Variants in TNFRSF10A observed in about 807,000 individuals in gnomAD.
TNFRSF10A encodes TNF receptor superfamily member 10a, also known as tumor necrosis factor receptor superfamily member 10A.
A neutral mutation model predicts 42.8 loss-of-function variants in TNFRSF10A; 44 were observed. The ratio of observed to expected loss-of-function variants is 1.03; its 90% CI spans 0.81 to 1.32. The LOEUF (loss-of-function observed/expected upper bound fraction) is 1.32, where lower values mean the gene tolerates loss of function less well. Ranked by LOEUF, TNFRSF10A falls within the 40% of genes most tolerant of loss-of-function variation. The pLI is 0.00. For synonymous variants in TNFRSF10A, 259 were observed against 234.2 expected (o/e 1.11, Z -0.97); for missense variants, 680 against 602.0 (o/e 1.13, Z -1.36).
rs538852484 is a variant in TNFRSF10A at position 23,201,841 on chromosome 8, T to C, written c.596A>G (p.Asn199Ser). 6 of 1,614,072 alleles carry C rather than the reference T, an allele frequency of 3.7e-6. No homozygotes were observed. The highest frequency in any genetic ancestry group is 1.7e-5 in the Admixed American group (1 of 60,006). ...QCKPGTFRND[N>S]SAEMCRKCSR... ...GCACTTCCGGCACATCTCAGCAGAA[T>C]TGTCATTCCGGAAAGTTCCTGGTTT... Residue 199 changes from asparagine to serine, a missense_variant, in exon 4 of 10, where the codon AAT becomes AGT. Asn to Ser is a conservative substitution (Grantham distance 46). Coordinates refer to ENST00000221132, the MANE Select transcript of TNFRSF10A (RefSeq NM_003844.4).
chr8:23,224,430 C>T, intron 1 of TNFRSF10A: 2 of 345,894 alleles, frequency 5.8e-6, no homozygotes, highest in Non-Finnish European at 1.1e-5. Flanking sequence ...GAAGTTTACA[C>T]ACTTGAGCTC....
At position 23,197,169 on chromosome 8, in the gene TNFRSF10A, C is replaced by T; in HGVS notation, c.1050G>A (p.Arg350=). Residue 350 remains arginine, a synonymous_variant, in exon 9 of 10, where the codon AGG becomes AGA. Coordinates refer to ENST00000221132, the MANE Select transcript of TNFRSF10A (RefSeq NM_003844.4). ...PAEAEGSQRR[R]LLVPANGADP... Reference sequence around the variant, plus strand: ...CAGCACCATTTGCTGGAACCAGCAGCCTCCTCCTCTGAGACCCTTCAGCTT... The same window carrying T: ...CAGCACCATTTGCTGGAACCAGCAGTCTCCTCCTCTGAGACCCTTCAGCTT... 5 of 1,614,194 alleles carry T rather than the reference C, an allele frequency of 3.1e-6. No homozygotes were observed. Among genetic ancestry groups the T allele is most frequent in the Non-Finnish European group, 4.2e-6 (5 of 1,180,026 alleles).
At chr8:23,202,202 C>T (rs540596730) in intron 3 of TNFRSF10A, among the ~76,000 whole-genome samples, 3 of 152,174 alleles carry the variant, frequency 2.0e-5, no homozygotes, top group Non-Finnish European at 2.9e-5. Flanking sequence ...AAAGGAGGCA[C>T]ATGGTATGTG....
At chr8:23,197,266 T>C (rs3824218) in intron 8 of TNFRSF10A, 62 bp from the exon 9 acceptor site, 1,080,934 of 1,601,796 alleles carry the variant, frequency 0.67, 367,803 homozygotes, top group East Asian at 0.87. Flanking sequence ...TAGTACTGAC[T>C]CTGACCATCA....
Position 23,190,999 on chromosome 8 carries a change from CT to C in TNFRSF10A, c.*694del, listed in dbSNP as rs576602426. 19 of 148,374 alleles carry C rather than the reference CT, an allele frequency of 1.3e-4. No individual in the cohort carries two copies. The highest frequency in any genetic ancestry group is 2.0e-4 in the African/African-American group (8 of 40,434). 9.2% of individuals were successfully genotyped at this position (148,374 alleles called of 1,614,324 possible). A position where few individuals can be genotyped will look rare whatever the true frequency, so the allele number is the denominator to read the frequency against. ...AGGAGATCAGATGGATTTGCTTTTC[CT>C]TTTTTTTTTGTTTTCTTCTATCTTG... On this transcript the variant is annotated 3_prime_UTR_variant, in exon 10 of 10. Transcript: ENST00000221132.
rs1456278460 is a variant in TNFRSF10A, at chr8:23,201,888, G to C, written c.549C>G (p.Thr183=). Residue 183 remains threonine, a synonymous_variant, in exon 4 of 10, where the codon ACC becomes ACG. Coordinates refer to ENST00000221132, the MANE Select transcript of TNFRSF10A (RefSeq NM_003844.4). ...GTTTGCACTGACATGCTGTGTTCCT[G>C]GTCGTGGTGCAGGGACTTCTCTCTT... The part of the protein sequence containing the change: ...DEEERSPCTT[T]RNTACQCKPG... 1 of 1,614,174 alleles carries C rather than the reference G, an allele frequency of 6.2e-7. No individual in the cohort carries two copies. The highest frequency in any genetic ancestry group is 1.7e-5 in the Admixed American group (1 of 60,022).
chr8:23,199,788 C>T (rs1336894115), intron 7 of TNFRSF10A, 98 bp downstream of exon 7: 1 of 1,538,636 alleles, frequency 6.5e-7, no homozygotes, highest in Non-Finnish European at 9.0e-7. Context: ...CTCAGGGCAG[C>T]CATGAGAGCA....
intron 2 of TNFRSF10A, among the ~76,000 whole-genome samples, chr8:23,211,310 A>C (rs1801088860): frequency 6.6e-6 from 1 of 152,208 alleles, no homozygotes; most frequent in Admixed American, 6.5e-5. Context: ...CAATAGCATA[A>C]AAAAGTATTA....
At chr8:23,200,004 T>TGGGGGGGGCG in intron 6 of TNFRSF10A, 87 bp from the exon 7 acceptor site, 1 of 1,173,368 alleles carries the variant, frequency 8.5e-7, no homozygotes, top group Non-Finnish European at 1.3e-6. Flanking sequence ...AGGGGTGGGC[T>TGGGGGGGGCG]GGGGGCTGGG....
intron 8 of TNFRSF10A, among the ~76,000 whole-genome samples, chr8:23,198,212 G>C (rs187511346): frequency 1.3e-5 from 2 of 152,200 alleles, no homozygotes; most frequent in Admixed American, 1.3e-4. Context: ...ACAGTGACTA[G>C]AACAATTCAG....
At chr8:23,200,916 G>C (rs192385493) in intron 4 of TNFRSF10A, among the ~76,000 whole-genome samples, 156 bp from the exon 5 acceptor site, 212 of 152,290 alleles carry the variant, frequency 1.4e-3, no homozygotes, top group Middle Eastern at 0.01. Context: ...ATGCTCCCTT[G>C]TTTAGGCTGG....
At chr8:23,192,215 C>G (rs1380467687) in intron 9 of TNFRSF10A, among the ~76,000 whole-genome samples, 1 of 152,210 alleles carries the variant, frequency 6.6e-6, no homozygotes, top group African/African-American at 2.4e-5. Flanking sequence ...CCCCAAGGCG[C>G]TGACGGGCGT....
chr8:23,205,660 GTGATGTTGATGAACC>G (rs936767243), intron 2 of TNFRSF10A, among the ~76,000 whole-genome samples: 1 of 151,510 alleles, frequency 6.6e-6, no homozygotes, highest in Non-Finnish European at 1.5e-5. Context: ...GTGAAAGACA[GTGATGTTGATGAACC>G]TGTCCTTGTG....
At chr8:23,223,531 G>C (rs1189753932) in intron 1 of TNFRSF10A, among the ~76,000 whole-genome samples, 1 of 152,220 alleles carries the variant, frequency 6.6e-6, no homozygotes, top group African/African-American at 2.4e-5. Flanking sequence ...AGAGTCAAAC[G>C]TGGGTTCCAC....
At chr8:23,199,945 G>T (rs1800883876) in intron 6 of TNFRSF10A, 28 bp from the exon 7 acceptor site, 1 of 1,613,794 alleles carries the variant, frequency 6.2e-7, no homozygotes, top group Admixed American at 1.7e-5. Context: ...TCCCTTAGTG[G>T]CCAGGGAGGG....
chr8:23,216,616 C>A (rs988783634), intron 1 of TNFRSF10A, among the ~76,000 whole-genome samples: 2 of 152,052 alleles, frequency 1.3e-5, no homozygotes, highest in Admixed American at 6.5e-5. Context: ...CTGGCAGGTG[C>A]CTATAGTCCC....
Position 23,193,125 on chromosome 8 carries a change from C to T in TNFRSF10A, c.1088-1112G>A, listed in dbSNP as rs148261144. ...CACTGCAGCACCCTATTAAAGCCTT[C>T]TTGGCAATACTCATCATCTCAGTGA... On this transcript the variant is annotated intron_variant, in intron 9 of 9. Coordinates refer to ENST00000221132, the MANE Select transcript of TNFRSF10A (RefSeq NM_003844.4). 2.0e-3 allele frequency among the ~76,000 whole-genome samples: 301 copies of T among 152,328 alleles called. 1 individual carries two copies. The highest frequency in any genetic ancestry group is 7.0e-3 in the African/African-American group (290 of 41,570).
chr8:23,207,112 A>G, intron 2 of TNFRSF10A: 1 of 573,434 alleles, frequency 1.7e-6, no homozygotes, highest in Non-Finnish European at 3.3e-6. Context: ...AAGCTTGACC[A>G]CTATGCTATC....
At chr8:23,211,888 A>C (rs1258491026) in intron 2 of TNFRSF10A, among the ~76,000 whole-genome samples, 1 of 152,248 alleles carries the variant, frequency 6.6e-6, no homozygotes, top group Non-Finnish European at 1.5e-5. Context: ...CAAGAGTTAA[A>C]GTACAAAACT....
Sources: gnomAD v4.1 joint callset for allele counts (sites outside exome capture counted in the v4.1 genomes callset) on GRCh38, gnomAD v4.1.1 for gene constraint, MANE v1.5 for transcripts, NCBI Gene and HGNC (gene_info 2026-07-23, HGNC 2026-07-21) for gene names.